FAM174A: variants seen among roughly 807,000 people sequenced by gnomAD.
FAM174A encodes the protein membrane protein FAM174A.
FAM174A carries 14 observed loss-of-function variants against 14.3 expected under a neutral mutation model. The observed-to-expected ratio is 0.98, with a 90% CI of 0.65 to 1.53. The LOEUF is 1.53. Among genes scored for constraint, FAM174A ranks in the 40% most tolerant of loss-of-function variants. The pLI is 0.00. For synonymous variants in FAM174A, 108 were observed against 111.4 expected (o/e 0.97, Z 0.19); for missense variants, 241 against 249.6 (o/e 0.97, Z 0.23).
intron 2 of FAM174A, among the ~76,000 whole-genome samples, chr5:100,566,246 G>T (rs1746650524): frequency 2.8e-5 from 4 of 141,448 alleles, no homozygotes; most frequent in Admixed American, 2.2e-4. Flanking sequence ...AGAAAATCTG[G>T]ACATTTGCAA....
At chr5:100,577,027 A>G (rs1338629987) in intron 2 of FAM174A, among the ~76,000 whole-genome samples, 2 of 152,184 alleles carry the variant, frequency 1.3e-5, no homozygotes, top group African/African-American at 2.4e-5. Flanking sequence ...CAAGAAACAC[A>G]AGTTTAAAAG....
At chr5:100,557,439 T>C (rs1261814792) in intron 1 of FAM174A, among the ~76,000 whole-genome samples, 1 of 152,218 alleles carries the variant, frequency 6.6e-6, no homozygotes, top group Non-Finnish European at 1.5e-5. Flanking sequence ...ATCAGGACGA[T>C]GCTGGCCTCA....
chr5:100,543,738 T>C (rs966126754), intron 1 of FAM174A, among the ~76,000 whole-genome samples: 2 of 152,134 alleles, frequency 1.3e-5, no homozygotes, highest in Admixed American at 6.5e-5. Context: ...CTACCGGCCA[T>C]CATTTTTTAT....
intron 2 of FAM174A, among the ~76,000 whole-genome samples, chr5:100,577,127 T>A (rs1349232276): frequency 6.6e-6 from 1 of 152,152 alleles, no homozygotes; most frequent in African/African-American, 2.4e-5. Flanking sequence ...TTACCCTGAT[T>A]TGATTATTAC....
chr5:100,581,994 G>GA (rs1481903932), intron 2 of FAM174A, among the ~76,000 whole-genome samples: 10 of 152,044 alleles, frequency 6.6e-5, no homozygotes, highest in African/African-American at 2.2e-4. Context: ...TTTTCTATTT[G>GA]AAAAAAATCT....
chr5:100,540,001 A>G (rs980409529), intron 1 of FAM174A, among the ~76,000 whole-genome samples: 27 of 152,080 alleles, frequency 1.8e-4, no homozygotes, highest in Admixed American at 3.3e-4. Flanking sequence ...TCATCCAAAG[A>G]TTTTCCTGAT....
In FAM174A at chr5:100,543,079, G is replaced by A. The variant is rs76876729; in HGVS notation, c.434+7115G>A. Reference sequence around the variant, plus strand: ...ACTGCACTCCACCTTTCATGACAGAGCAAGACCTTGTCTCAAACAAAGTTA... The same window carrying A: ...ACTGCACTCCACCTTTCATGACAGAACAAGACCTTGTCTCAAACAAAGTTA... On this transcript the variant is annotated intron_variant, in intron 1 of 2. Transcript: ENST00000312637. Among the ~76,000 whole-genome samples the A allele has an allele frequency of 2.2e-4, 34 of 152,154 alleles. No homozygotes were observed. The East Asian group carries it at 6.6e-3, about 29-fold the overall frequency.
At chr5:100,555,905 T>C (rs1255040842) in intron 1 of FAM174A, among the ~76,000 whole-genome samples, 2 of 152,154 alleles carry the variant, frequency 1.3e-5, no homozygotes, top group East Asian at 3.8e-4. Flanking sequence ...CTGTTCACTC[T>C]GATGGTAGTT....
At chr5:100,579,342 T>A (rs1746961821) in intron 2 of FAM174A, among the ~76,000 whole-genome samples, 1 of 152,204 alleles carries the variant, frequency 6.6e-6, no homozygotes, top group African/African-American at 2.4e-5. Flanking sequence ...ATTATTCAGT[T>A]AATCTAAGAC....
chr5:100,561,470 A>G (rs1415049916), intron 1 of FAM174A, among the ~76,000 whole-genome samples: 1 of 151,996 alleles, frequency 6.6e-6, no homozygotes, highest in Non-Finnish European at 1.5e-5. Flanking sequence ...TTTATATCAC[A>G]TTGGAATCAC....
At chr5:100,560,182 T>G (rs1328946444) in intron 1 of FAM174A, among the ~76,000 whole-genome samples, 1 of 152,182 alleles carries the variant, frequency 6.6e-6, no homozygotes, top group African/African-American at 2.4e-5. Flanking sequence ...GACCCTCAGC[T>G]GCAGGTCTAT....
chr5:100,548,647 C>T (rs1300039782), intron 1 of FAM174A, among the ~76,000 whole-genome samples: 1 of 152,116 alleles, frequency 6.6e-6, no homozygotes, highest in Non-Finnish European at 1.5e-5. Flanking sequence ...CACTGTCCCA[C>T]ATTTAATTTT....
intron 1 of FAM174A, among the ~76,000 whole-genome samples, chr5:100,558,768 T>A (rs886647935): frequency 6.6e-6 from 1 of 152,142 alleles, no homozygotes; most frequent in Admixed American, 6.6e-5. Flanking sequence ...AACCCCTGCC[T>A]TTTTTGTTTT....
intron 1 of FAM174A, among the ~76,000 whole-genome samples, chr5:100,560,519 G>T (rs1163244638): frequency 6.6e-6 from 1 of 151,972 alleles, no homozygotes; most frequent in African/African-American, 2.4e-5. Context: ...GTAATGACTG[G>T]TGGAAATTTT....
intron 2 of FAM174A, among the ~76,000 whole-genome samples, chr5:100,579,134 G>A (rs922899481): frequency 3.3e-5 from 5 of 152,200 alleles, no homozygotes; most frequent in Admixed American, 6.5e-5. Flanking sequence ...TAATGTGATT[G>A]AGCAAGAATA....
intron 2 of FAM174A, among the ~76,000 whole-genome samples, chr5:100,566,141 G>GATAGATAGATATATATATATAT (rs558236562): frequency 2.4e-5 from 2 of 81,810 alleles, no homozygotes; most frequent in Admixed American, 1.7e-4. Flanking sequence ...TGAAAAGTAT[G>GATAGATAGATATATATATATAT]ATATATATAT....
intron 2 of FAM174A, among the ~76,000 whole-genome samples, chr5:100,584,877 C>A (rs1292061922): frequency 1.4e-5 from 2 of 146,052 alleles, no homozygotes; most frequent in African/African-American, 5.0e-5. Flanking sequence ...AATCCAACTT[C>A]TTTTTTTTTT....
intron 1 of FAM174A, among the ~76,000 whole-genome samples, chr5:100,551,234 C>G (rs1746256280): frequency 6.6e-6 from 1 of 152,144 alleles, no homozygotes; most frequent in Non-Finnish European, 1.5e-5. Flanking sequence ...AATCAGACCT[C>G]CATTCAAGAG....
At chr5:100,554,558 C>T (rs1746330555) in intron 1 of FAM174A, among the ~76,000 whole-genome samples, 1 of 152,056 alleles carries the variant, frequency 6.6e-6, no homozygotes, top group African/African-American at 2.4e-5. Context: ...GATCTGCCCG[C>T]CTCAGCCTCC....
Sources: gnomAD v4.1 joint callset for allele counts (sites outside exome capture counted in the v4.1 genomes callset) on GRCh38, gnomAD v4.1.1 for gene constraint, MANE v1.5 for transcripts, NCBI Gene and HGNC (gene_info 2026-07-23, HGNC 2026-07-21) for gene names.